Variants in EYA4 observed in about 807,000 individuals in gnomAD.
EYA4 encodes the protein protein phosphatase EYA4.
EYA4 carries 31 observed loss-of-function variants against 87.9 expected under a neutral mutation model. That is an observed-to-expected ratio of 0.35 (90% CI 0.27 to 0.48). The LOEUF is 0.48. EYA4 is among the 20% of genes least tolerant of loss of function. The pLI is 0.99. For synonymous variants in EYA4, 263 were observed against 270.6 expected (o/e 0.97, Z 0.28); for missense variants, 678 against 761.4 (o/e 0.89, Z 1.29).
intron 2 of EYA4, among the ~76,000 whole-genome samples, chr6:133,311,643 A>G (rs1478468539): frequency 3.3e-5 from 5 of 152,026 alleles, no homozygotes; most frequent in African/African-American, 1.2e-4. Context: ...GATAACATCT[A>G]CCTCACCTCC....
chr6:133,495,451 T>C (rs1797570923), intron 13 of EYA4, among the ~76,000 whole-genome samples: 1 of 147,990 alleles, frequency 6.8e-6, no homozygotes, highest in African/African-American at 2.4e-5. Flanking sequence ...TAAAGAAATA[T>C]ATTCATTTAT....
In EYA4 at chr6:133,294,053, AT is replaced by A. The variant is rs1562257648; in HGVS notation, c.33+19241del. On this transcript the variant is annotated intron_variant, in intron 2 of 19. Coordinates refer to ENST00000355286, the MANE Select transcript of EYA4 (RefSeq NM_004100.5). ...TATATATATATATATATATATATAT[AT>A]ATATATATAATTCTATTCTATATAT... Among the ~76,000 whole-genome samples the A allele has an allele frequency of 2.3e-4, 30 of 131,108 alleles. 1 individual carries two copies. Among genetic ancestry groups the A allele is most frequent in the African/African-American group, 2.3e-4 (8 of 34,344 alleles). 86.0% of individuals were successfully genotyped at this position (131,108 alleles called of 152,430 possible).
chr6:133,497,289 C>A (rs367717784), intron 13 of EYA4, among the ~76,000 whole-genome samples: 1 of 152,026 alleles, frequency 6.6e-6, no homozygotes, highest in Non-Finnish European at 1.5e-5. Context: ...TAGGAATGAC[C>A]TTTTACCCAT....
At chr6:133,470,202 T>C (rs1327629037) in intron 11 of EYA4, among the ~76,000 whole-genome samples, 1 of 132,382 alleles carries the variant, frequency 7.6e-6, no homozygotes, top group Non-Finnish European at 1.6e-5. Context: ...TAGGTTTTCT[T>C]CTAGGGTTTT....
intron 11 of EYA4, among the ~76,000 whole-genome samples, chr6:133,476,908 GGGAGA>G (rs1795790358): frequency 6.6e-6 from 1 of 152,054 alleles, no homozygotes; most frequent in South Asian, 2.1e-4. Flanking sequence ...CATGTGTCAA[GGGAGA>G]GACCAGGTGG....
intron 3 of EYA4, among the ~76,000 whole-genome samples, chr6:133,385,129 C>G (rs1252584933): frequency 2.0e-5 from 3 of 151,642 alleles, no homozygotes; most frequent in Non-Finnish European, 2.9e-5. Flanking sequence ...GAAACCCCGT[C>G]TCTACTAAAA....
intron 2 of EYA4, among the ~76,000 whole-genome samples, chr6:133,315,486 T>C (rs953146797): frequency 6.6e-6 from 1 of 152,114 alleles, no homozygotes; most frequent in Admixed American, 6.5e-5. Context: ...AAATCTACCG[T>C]TATGTGAGGT....
intron 2 of EYA4, among the ~76,000 whole-genome samples, chr6:133,353,242 A>C (rs1783772078): frequency 6.6e-6 from 1 of 152,082 alleles, no homozygotes; most frequent in Non-Finnish European, 1.5e-5. Flanking sequence ...TCAAGATTCT[A>C]TTTTTAACAT....
intron 11 of EYA4, 102 bp from the exon 12 acceptor site, chr6:133,481,361 G>A (rs1466129566): frequency 6.0e-6 from 7 of 1,157,980 alleles, no homozygotes; most frequent in Admixed American, 3.4e-5. Flanking sequence ...GCCATCAGGA[G>A]GTTTCTATTG....
chr6:133,525,757 G>C (rs1231948376), intron 19 of EYA4: 1 of 226,128 alleles, frequency 4.4e-6, no homozygotes, highest in Non-Finnish European at 7.4e-6. Flanking sequence ...CCTCGTGAGT[G>C]CCTGGAAGTA....
At chr6:133,417,701 T>C (rs1199759726) in intron 3 of EYA4, among the ~76,000 whole-genome samples, 1 of 148,386 alleles carries the variant, frequency 6.7e-6, no homozygotes, top group Non-Finnish European at 1.5e-5. Flanking sequence ...AAAACAGCAG[T>C]CAAAACGTTA....
chr6:133,306,970 C>G (rs1180228101), intron 2 of EYA4, among the ~76,000 whole-genome samples: 2 of 152,188 alleles, frequency 1.3e-5, no homozygotes, highest in African/African-American at 4.8e-5. Flanking sequence ...TTATTGCACA[C>G]ACAGTAAGTG....
Position 133,462,438 on chromosome 6 carries a change from T to A in EYA4, c.541T>A (p.Tyr181Asn). The A allele has an allele frequency of 6.2e-7, 1 of 1,614,076 alleles. No individual in the cohort carries two copies. The highest frequency in any genetic ancestry group is 8.5e-7 in the Non-Finnish European group (1 of 1,179,964). ...GMQQPAVYTA[Y>N]SQTGQPYSLP... ...GCAGCAGCCAGCCGTCTACACAGCC[T>A]ACTCACAGACAGGACAGCCCTACAG... Residue 181 changes from tyrosine (Y) to asparagine (N), a missense_variant, in exon 8 of 20, where the codon TAC (tyrosine) becomes AAC (asparagine). By Grantham distance (143) the Tyr-to-Asn change is moderately radical (BLOSUM62 -2). Transcript: ENST00000355286.
intron 3 of EYA4, among the ~76,000 whole-genome samples, chr6:133,408,626 C>T (rs1336533): frequency 0.16 from 23,909 of 152,024 alleles, 2,397 homozygotes; most frequent in East Asian, 0.3. Flanking sequence ...TCTCTTTGTG[C>T]CTTCTTGGTT....
chr6:133,411,563 C>CTA (rs34929281), intron 3 of EYA4, among the ~76,000 whole-genome samples: 8,282 of 150,968 alleles, frequency 0.055, 678 homozygotes, highest in African/African-American at 0.17. Context: ...ATCTGTCTAT[C>CTA]TATATATATA....
chr6:133,345,382 C>T (rs143693118), intron 2 of EYA4, among the ~76,000 whole-genome samples: 220 of 152,136 alleles, frequency 1.4e-3, no homozygotes, highest in African/African-American at 4.8e-3. Flanking sequence ...GAGGAGTATG[C>T]GTAGTAAGTA....
chr6:133,483,698 G>A (rs989378514), intron 13 of EYA4, among the ~76,000 whole-genome samples: 18 of 134,394 alleles, frequency 1.3e-4, no homozygotes, highest in South Asian at 1.2e-3. Flanking sequence ...TTATTTCATT[G>A]TTATTATTAT....
chr6:133,312,988 A>G (rs1446429055), intron 2 of EYA4, among the ~76,000 whole-genome samples: 1 of 152,112 alleles, frequency 6.6e-6, no homozygotes, highest in Non-Finnish European at 1.5e-5. Context: ...GATTAAGTGT[A>G]GGTGTATCCA....
In EYA4 at chr6:133,531,467, A is replaced by G. The variant is rs1480771162; in HGVS notation, c.*2662A>G. 8.4e-6 allele frequency: 4 copies of G among 477,082 alleles called. No individual in the cohort carries two copies. The highest frequency in any genetic ancestry group is 7.5e-5 in the Admixed American group (2 of 26,498). The allele number at this position is 477,082 out of a possible 1,614,324, so 29.6% of individuals were successfully genotyped here. A position where few individuals can be genotyped will look rare whatever the true frequency, so the allele number is the denominator to read the frequency against. ...ATTGACATATGGAATATTGTGCCTTATTGTAAACCAGTTTGAAAAATGTTC... is the reference window on the plus strand; with the variant it reads ...ATTGACATATGGAATATTGTGCCTTGTTGTAAACCAGTTTGAAAAATGTTC... On this transcript the variant is annotated 3_prime_UTR_variant, in exon 20 of 20. Coordinates refer to ENST00000355286, the MANE Select transcript of EYA4 (RefSeq NM_004100.5).
Sources: allele counts gnomAD v4.1 joint callset (sites outside exome capture counted in the v4.1 genomes callset), GRCh38; gene constraint gnomAD v4.1.1; transcripts MANE v1.5; gene names NCBI Gene and HGNC (gene_info 2026-07-23, HGNC 2026-07-21).